The following ELP4 variants were observed in gnomAD, a reference collection of about 807,000 sequenced individuals.
ELP4 encodes the protein elongator acetyltransferase complex subunit 4.
Under a neutral mutation model 48.9 loss-of-function variants are expected in ELP4, and 51 were observed. That is an observed-to-expected ratio of 1.04 (90% CI 0.83 to 1.32). ELP4 has a LOEUF of 1.32. ELP4 is among the 40% of genes most tolerant of loss of function. The probability of loss-of-function intolerance (pLI) is 0.00; values close to 1 mark genes in which losing one functional copy is unlikely to be tolerated. For synonymous variants in ELP4, 210 were observed against 189.2 expected (o/e 1.11, Z -0.90); for missense variants, 519 against 514.6 (o/e 1.01, Z -0.08).
At chr11:31,622,805 A>G (rs370423782) in intron 5 of ELP4, among the ~76,000 whole-genome samples, 1 of 151,614 alleles carries the variant, frequency 6.6e-6, no homozygotes, top group African/African-American at 2.4e-5. Flanking sequence ...CCTTTTATCC[A>G]TGTTTATATA....
intron 3 of ELP4, among the ~76,000 whole-genome samples, chr11:31,591,834 A>T (rs535966713): frequency 1.2e-4 from 18 of 152,314 alleles, no homozygotes; most frequent in African/African-American, 4.3e-4. Flanking sequence ...ACTCATAATA[A>T]CTTAAGAATA....
chr11:31,672,602 G>A (rs1333342446), intron 9 of ELP4, among the ~76,000 whole-genome samples: 1 of 152,042 alleles, frequency 6.6e-6, no homozygotes, highest in Non-Finnish European at 1.5e-5. Flanking sequence ...GACTAGTCTG[G>A]GCAACATGGC....
chr11:31,584,127 A>G (rs2133975900), intron 3 of ELP4, among the ~76,000 whole-genome samples: 1 of 152,228 alleles, frequency 6.6e-6, no homozygotes. Flanking sequence ...ATTGGGAAAA[A>G]TAAGTTTTAG....
At chr11:31,667,414 A>G (rs1226671614) in intron 9 of ELP4, among the ~76,000 whole-genome samples, 1 of 152,176 alleles carries the variant, frequency 6.6e-6, no homozygotes, top group Non-Finnish European at 1.5e-5. Context: ...TTATTTTGGA[A>G]GTTTATGGAA....
chr11:31,724,352 C>T (rs1323081570), intron 9 of ELP4, among the ~76,000 whole-genome samples: 1 of 152,214 alleles, frequency 6.6e-6, no homozygotes, highest in Non-Finnish European at 1.5e-5. Context: ...ACATTGACTG[C>T]AACCTTTTCA....
At chr11:31,537,468 C>A (rs1956519650) in intron 2 of ELP4, among the ~76,000 whole-genome samples, 1 of 152,134 alleles carries the variant, frequency 6.6e-6, no homozygotes, top group African/African-American at 2.4e-5. Flanking sequence ...ATTTCTTTGA[C>A]TGTTGTATTA....
At chr11:31,671,972 G>A (rs1286305565) in intron 9 of ELP4, among the ~76,000 whole-genome samples, 1 of 152,020 alleles carries the variant, frequency 6.6e-6, no homozygotes, top group Admixed American at 6.6e-5. Flanking sequence ...TTCCCATCAG[G>A]AACTTTGTTG....
chr11:31,676,234 T>C (rs1271844819), intron 9 of ELP4, among the ~76,000 whole-genome samples: 1 of 152,216 alleles, frequency 6.6e-6, no homozygotes. Flanking sequence ...TCACATCTTT[T>C]CATAGCTAAC....
At position 31,553,764 on chromosome 11, in the gene ELP4, A is replaced by C. The variant is rs148397974; in HGVS notation, c.381+13981A>C. Among the ~76,000 whole-genome samples, 731 of 142,054 alleles carry C rather than the reference A, an allele frequency of 5.1e-3. 8 individuals carry two copies. The highest frequency in any genetic ancestry group is 0.017 in the African/African-American group (677 of 38,950). The allele number at this position is 142,054 out of a possible 152,430, so 93.2% of individuals were successfully genotyped here. A position where few individuals can be genotyped will look rare whatever the true frequency, so the allele number is the denominator to read the frequency against. On this transcript the variant is annotated intron_variant, in intron 3 of 9. Transcript: ENST00000640961. ...CACACACACACACACACACACACAC[A>C]CCCTATTGGTTCAGTTTCTCTAGAG...
rs1336285318 is a variant in ELP4 at position 31,520,170 on chromosome 11, C to T, written c.259+79C>T. On this transcript the variant is annotated intron_variant, in intron 2 of 9. Coordinates refer to ENST00000640961, the MANE Select transcript of ELP4 (RefSeq NM_019040.5). ...TAATCATTTTATCCAATTCCCATTCCAAAATTATTTAAATCACTAACACGA... is the reference window on the plus strand; with the variant it reads ...TAATCATTTTATCCAATTCCCATTCTAAAATTATTTAAATCACTAACACGA... 3.2e-6 allele frequency: 4 copies of T among 1,234,882 alleles called. No homozygotes were observed. The Admixed American group carries it at 9.6e-5, about 30-fold the overall frequency. 76.5% of individuals were successfully genotyped at this position (1,234,882 alleles called of 1,614,324 possible). A position where few individuals can be genotyped will look rare whatever the true frequency, so the allele number is the denominator to read the frequency against.
rs1158045255 is a variant in ELP4 at position 31,787,095 on chromosome 11, CTGCCA to C, written c.*3575_*3579del. The C allele has an allele frequency of 4.3e-6, 1 of 231,860 alleles. No homozygotes were observed. The highest frequency in any genetic ancestry group is 5.6e-5 in the Admixed American group (1 of 17,738). The allele number at this position is 231,860 out of a possible 1,614,324, so 14.4% of individuals were successfully genotyped here. A position where few individuals can be genotyped will look rare whatever the true frequency, so the allele number is the denominator to read the frequency against. ...CCCAGGCACTGCTACCACACAGAGCCTGCCATGCTGTCCCCAAGAGAGTGCCTGGA... is the reference window on the plus strand; with the variant it reads ...CCCAGGCACTGCTACCACACAGAGCCTGCTGTCCCCAAGAGAGTGCCTGGA... On this transcript the variant is annotated 3_prime_UTR_variant, in exon 10 of 10. Coordinates refer to ENST00000640961, the MANE Select transcript of ELP4 (RefSeq NM_019040.5).
chr11:31,526,719 T>C (rs1956300567), intron 2 of ELP4, among the ~76,000 whole-genome samples: 1 of 151,992 alleles, frequency 6.6e-6, no homozygotes, highest in Admixed American at 6.6e-5. Flanking sequence ...TCATCTTTCA[T>C]CTGTACTTTA....
At chr11:31,590,223 G>T (rs1274604182) in intron 3 of ELP4, among the ~76,000 whole-genome samples, 1 of 152,040 alleles carries the variant, frequency 6.6e-6, no homozygotes, top group African/African-American at 2.4e-5. Flanking sequence ...ACTTAGAACT[G>T]CCCTGAATAG....
chr11:31,711,173 A>G (rs1464368912), intron 9 of ELP4, among the ~76,000 whole-genome samples: 1 of 152,236 alleles, frequency 6.6e-6, no homozygotes, highest in Non-Finnish European at 1.5e-5. Flanking sequence ...CTTTATTTTT[A>G]GAGATTCTTT....
At chr11:31,607,039 G>C (rs1434450127) in intron 5 of ELP4, among the ~76,000 whole-genome samples, 1 of 152,060 alleles carries the variant, frequency 6.6e-6, no homozygotes, top group East Asian at 1.9e-4. Context: ...ATAAAAGAGG[G>C]AGAGACACAG....
intron 9 of ELP4, among the ~76,000 whole-genome samples, chr11:31,669,487 T>C (rs958677881): frequency 2.0e-5 from 3 of 152,190 alleles, no homozygotes; most frequent in South Asian, 2.1e-4. Context: ...AAATGATTTT[T>C]CTGATTCTTC....
chr11:31,549,186 A>C (rs1243744805), intron 3 of ELP4, among the ~76,000 whole-genome samples: 1 of 151,470 alleles, frequency 6.6e-6, no homozygotes, highest in Non-Finnish European at 1.5e-5. Flanking sequence ...AACTACCATC[A>C]GAGTGAACAG....
intron 3 of ELP4, among the ~76,000 whole-genome samples, chr11:31,591,699 A>C (rs1957579969): frequency 6.6e-6 from 1 of 152,174 alleles, no homozygotes; most frequent in African/African-American, 2.4e-5. Context: ...ACATTTTGGC[A>C]GTTCCTCAAA....
At chr11:31,558,290 C>T (rs1010102146) in intron 3 of ELP4, among the ~76,000 whole-genome samples, 1 of 151,990 alleles carries the variant, frequency 6.6e-6, no homozygotes, top group Non-Finnish European at 1.5e-5. Flanking sequence ...ACCTACATTT[C>T]TAGCCAGCTT....
Sources: gnomAD v4.1 joint callset for allele counts (sites outside exome capture counted in the v4.1 genomes callset) on GRCh38, gnomAD v4.1.1 for gene constraint, MANE v1.5 for transcripts, NCBI Gene and HGNC (gene_info 2026-07-23, HGNC 2026-07-21) for gene names.